PLXDC2: variants seen among roughly 807,000 people sequenced by gnomAD.
The protein encoded by PLXDC2 is plexin domain-containing protein 2.
In PLXDC2, 40 loss-of-function variants were observed where a neutral mutation model predicts 68.9. The observed-to-expected ratio is 0.58, with a 90% CI of 0.45 to 0.76. PLXDC2 has a LOEUF of 0.76. Among genes scored for constraint, PLXDC2 ranks in the 30% least tolerant of loss-of-function variants. The pLI is 0.00. For synonymous variants in PLXDC2, 243 were observed against 234.2 expected, an observed-to-expected ratio of 1.04 and a Z score of -0.34; for missense variants, 644 against 661.9, an observed-to-expected ratio of 0.97 and a Z score of 0.30.
At chr10:20,256,219 G>A (rs930932541) in intron 13 of PLXDC2, among the ~76,000 whole-genome samples, 1 of 151,514 alleles carries the variant, frequency 6.6e-6, no homozygotes, top group African/African-American at 2.4e-5. Flanking sequence ...TGCAACCTCT[G>A]CCTCCTGTGT....
intron 1 of PLXDC2, among the ~76,000 whole-genome samples, chr10:19,820,592 C>A (rs1190807297): frequency 6.6e-6 from 1 of 151,052 alleles, no homozygotes; most frequent in Admixed American, 6.6e-5. Flanking sequence ...CGAGATTGCG[C>A]CACTGCAGTC....
intron 7 of PLXDC2, 73 bp downstream of exon 7, chr10:20,164,640 A>C: frequency 8.8e-7 from 1 of 1,134,350 alleles, no homozygotes; most frequent in Admixed American, 1.8e-5. Context: ...GGTCTATGGC[A>C]GCTGTACCTG....
chr10:19,834,458 T>C lies in PLXDC2; in HGVS notation c.112+17267T>C, dbSNP rs149315140. On this transcript the variant is annotated intron_variant, in intron 1 of 13. Coordinates refer to ENST00000377252, the MANE Select transcript of PLXDC2 (RefSeq NM_032812.9). ...GAGAGAAAACTGCTCAAGAAAGAGG[T>C]TGGGGTCTCTGAGGACCGAATCAAT... Among the ~76,000 whole-genome samples the C allele has an allele frequency of 3.3e-3, 509 of 152,062 alleles. 5 individuals are homozygous for C. The highest frequency in any genetic ancestry group is 0.025 in the South Asian group (120 of 4,798).
chr10:20,173,311 T>C (rs1564341690), intron 7 of PLXDC2, among the ~76,000 whole-genome samples: 1 of 152,186 alleles, frequency 6.6e-6, no homozygotes. Context: ...TCAGACAAAA[T>C]ATAATACTTA....
At chr10:20,140,597 G>C (rs969293212) in intron 4 of PLXDC2, among the ~76,000 whole-genome samples, 15 of 152,036 alleles carry the variant, frequency 9.9e-5, no homozygotes, top group Admixed American at 3.9e-4. Flanking sequence ...ACATTGCCCT[G>C]AAAGCTTGTA....
chr10:20,194,952 C>T (rs1004714085), intron 9 of PLXDC2, among the ~76,000 whole-genome samples: 3 of 151,910 alleles, frequency 2.0e-5, no homozygotes, highest in Non-Finnish European at 2.9e-5. Context: ...TTGTAGTCCC[C>T]TATCAATATC....
chr10:20,005,878 C>A (rs1444956736), intron 2 of PLXDC2, among the ~76,000 whole-genome samples: 1 of 152,048 alleles, frequency 6.6e-6, no homozygotes, highest in East Asian at 1.9e-4. Context: ...GAAAGTTTTA[C>A]GTATCCTGGC....
intron 1 of PLXDC2, among the ~76,000 whole-genome samples, chr10:19,901,452 C>T (rs186428814): frequency 6.6e-6 from 1 of 152,046 alleles, no homozygotes; most frequent in Non-Finnish European, 1.5e-5. Flanking sequence ...TTTCCATAAG[C>T]TTGTTTGCCA....
At chr10:19,973,323 TATAC>T (rs1790313940) in intron 1 of PLXDC2, among the ~76,000 whole-genome samples, 2 of 142,568 alleles carry the variant, frequency 1.4e-5, no homozygotes, top group Admixed American at 7.0e-5. Context: ...CATATATATG[TATAC>T]ATATATATGT....
chr10:19,927,713 C>CAAAAAAAG (rs1833561807), intron 1 of PLXDC2, among the ~76,000 whole-genome samples: 3 of 53,144 alleles, frequency 5.6e-5, no homozygotes, highest in Non-Finnish European at 9.3e-5. Flanking sequence ...GGAAAAAAAG[C>CAAAAAAAG]AAAAAAAAAA....
Position 19,828,009 on chromosome 10 carries a change from A to T in PLXDC2, c.112+10818A>T, listed in dbSNP as rs185568319. Among the ~76,000 whole-genome samples, 3 of 152,338 alleles carry T rather than the reference A, an allele frequency of 2.0e-5. No individual in the cohort carries two copies. The East Asian group carries it at 5.8e-4, about 29-fold the overall frequency. On this transcript the variant is annotated intron_variant, in intron 1 of 13. Coordinates refer to ENST00000377252, the MANE Select transcript of PLXDC2 (RefSeq NM_032812.9). Reference sequence around the variant, plus strand: ...TCCTAGGAAACAAATGGGGAATGATAGTTTAATTAAAATGAACAACTCAGT... The same window carrying T: ...TCCTAGGAAACAAATGGGGAATGATTGTTTAATTAAAATGAACAACTCAGT...
At chr10:20,050,127 A>G (rs1420389639) in intron 3 of PLXDC2, among the ~76,000 whole-genome samples, 1 of 152,198 alleles carries the variant, frequency 6.6e-6, no homozygotes, top group African/African-American at 2.4e-5. Flanking sequence ...TCCCTGTTCA[A>G]TAAATGGTGC....
chr10:20,212,686 A>C (rs1835085089), intron 10 of PLXDC2, among the ~76,000 whole-genome samples: 1 of 152,182 alleles, frequency 6.6e-6, no homozygotes, highest in Non-Finnish European at 1.5e-5. Context: ...GGCATGTTTC[A>C]TAAAGATCTT....
At chr10:20,058,947 G>A (rs1190457076) in intron 3 of PLXDC2, among the ~76,000 whole-genome samples, 1 of 152,150 alleles carries the variant, frequency 6.6e-6, no homozygotes, top group Admixed American at 6.5e-5. Flanking sequence ...TTTCCTTACA[G>A]CAATGGTTTT....
chr10:19,924,449 G>A (rs1378934703), intron 1 of PLXDC2, among the ~76,000 whole-genome samples: 2 of 151,974 alleles, frequency 1.3e-5, no homozygotes, highest in Admixed American at 6.6e-5. Context: ...TTTTATGTAC[G>A]GCTAGCAATT....
At chr10:20,026,330 G>A (rs117215505) in intron 2 of PLXDC2, among the ~76,000 whole-genome samples, 1 of 152,018 alleles carries the variant, frequency 6.6e-6, no homozygotes, top group Non-Finnish European at 1.5e-5. Context: ...TAAAAAGGCA[G>A]CTGGTTGGCA....
intron 1 of PLXDC2, among the ~76,000 whole-genome samples, chr10:19,931,479 G>A (rs760427696): frequency 5.9e-5 from 9 of 152,124 alleles, no homozygotes; most frequent in Non-Finnish European, 1.2e-4. Context: ...CATTTGAAAA[G>A]GTATTTTAAA....
chr10:19,987,115 G>A (rs1406821445), intron 1 of PLXDC2, among the ~76,000 whole-genome samples: 1 of 152,182 alleles, frequency 6.6e-6, no homozygotes, highest in Non-Finnish European at 1.5e-5. Context: ...CCACGTTTCA[G>A]CGTTTAGTGA....
At chr10:19,890,348 C>G (rs902276125) in intron 1 of PLXDC2, among the ~76,000 whole-genome samples, 5 of 152,068 alleles carry the variant, frequency 3.3e-5, no homozygotes, top group African/African-American at 1.2e-4. Flanking sequence ...TCCCATCACC[C>G]AGGTACTGAG....
Sources: gnomAD v4.1 joint callset for allele counts (sites outside exome capture counted in the v4.1 genomes callset) on GRCh38, gnomAD v4.1.1 for gene constraint, MANE v1.5 for transcripts, NCBI Gene and HGNC (gene_info 2026-07-23, HGNC 2026-07-21) for gene names.